The following KLRG1 variants were observed in gnomAD, a reference collection of about 807,000 sequenced individuals.
KLRG1 encodes the protein killer cell lectin like receptor G1, also known as killer cell lectin-like receptor subfamily G member 1.
In KLRG1, 16 loss-of-function variants were observed where a neutral mutation model predicts 21.8. The ratio of observed to expected loss-of-function variants is 0.73; its 90% CI spans 0.50 to 1.11. KLRG1 has a LOEUF of 1.11. KLRG1 is among the 50% of genes most tolerant of loss of function. KLRG1 has a pLI of 0.00. For missense variants in KLRG1, 173 were observed against 218.3 expected, an observed-to-expected ratio of 0.79 and a Z score of 1.31; for synonymous variants, 69 against 75.9, an observed-to-expected ratio of 0.91 and a Z score of 0.47.
chr12:9,019,918 T>C, the KLRG1 span, among the ~76,000 whole-genome samples: 42 of 152,208 alleles, frequency 2.8e-4, 1 homozygote, highest in East Asian at 6.8e-3. Context: ...CAGAAAACTT[T>C]CTTGTCTCTG....
chr12:9,180,754 T>A, the KLRG1 span, among the ~76,000 whole-genome samples: 4 of 152,180 alleles, frequency 2.6e-5, no homozygotes, highest in African/African-American at 9.7e-5. Context: ...GGACTTCATG[T>A]CCAAAACACC....
chr12:9,112,537 C>A, the KLRG1 span: 1 of 1,613,500 alleles, frequency 6.2e-7, no homozygotes, highest in Non-Finnish European at 8.5e-7. Flanking sequence ...ACTTTGGGAC[C>A]TGAAATACAG....
At chr12:8,991,334 C>T (rs1423468904) in intron 1 of KLRG1, among the ~76,000 whole-genome samples, 4 of 152,262 alleles carry the variant, frequency 2.6e-5, no homozygotes, top group Non-Finnish European at 5.9e-5. Context: ...TATTCTTAAA[C>T]TTGGCATCAA....
the KLRG1 span, among the ~76,000 whole-genome samples, chr12:9,143,729 G>A: frequency 6.6e-6 from 1 of 152,108 alleles, no homozygotes; most frequent in East Asian, 1.9e-4. Context: ...ATTTGCACTG[G>A]GGCCCGGCCA....
the KLRG1 span, chr12:9,058,555 A>AT: frequency 6.6e-6 from 1 of 152,234 alleles, no homozygotes; most frequent in Non-Finnish European, 1.5e-5. Flanking sequence ...AAATATTCAT[A>AT]TGCTCATTTT....
At chr12:9,196,204 T>C in the KLRG1 span, 2 of 576,800 alleles carry the variant, frequency 3.5e-6, no homozygotes, top group Non-Finnish European at 6.1e-6. Flanking sequence ...TATTTCTCCT[T>C]GGTTTCATGG....
chr12:8,961,570 G>A (rs746866339), intron 1 of KLRG1, among the ~76,000 whole-genome samples: 2 of 147,452 alleles, frequency 1.4e-5, no homozygotes, highest in Non-Finnish European at 3.0e-5. Context: ...CCACCACCAT[G>A]CTCAGCTAAT....
chr12:8,994,229 G>A (rs1461495933), intron 2 of KLRG1, among the ~76,000 whole-genome samples: 2 of 151,904 alleles, frequency 1.3e-5, no homozygotes, highest in Admixed American at 1.3e-4. Flanking sequence ...ATGCCCAGCT[G>A]ATTTTTTTGT....
the KLRG1 span, chr12:9,180,864 AC>A: frequency 9.5e-7 from 1 of 1,048,044 alleles, no homozygotes; most frequent in Non-Finnish European, 1.3e-6. Context: ...TGAACAGGCA[AC>A]CTACAAAATG....
chr12:9,068,021 G>T, the KLRG1 span: 1 of 981,708 alleles, frequency 1.0e-6, no homozygotes, highest in East Asian at 2.6e-5. Flanking sequence ...GTTTGACAGA[G>T]TCAGCGGCCC....
the KLRG1 span, chr12:9,072,891 G>T: frequency 6.2e-7 from 1 of 1,601,998 alleles, no homozygotes; most frequent in Non-Finnish European, 8.5e-7. Flanking sequence ...ACAGATGAGT[G>T]AGAGAACCCA....
At chr12:8,975,610 C>A (rs1177329965) in intron 1 of KLRG1, among the ~76,000 whole-genome samples, 3 of 151,960 alleles carry the variant, frequency 2.0e-5, no homozygotes, top group Non-Finnish European at 4.4e-5. Flanking sequence ...GTTGCCTAGG[C>A]TGGAGTGCAG....
the KLRG1 span, chr12:9,157,434 A>G: frequency 7.5e-7 from 1 of 1,334,430 alleles, no homozygotes; most frequent in East Asian, 2.3e-5. Flanking sequence ...ATTGACAGTC[A>G]GATGTTATTA....
chr12:9,194,470 T>G, the KLRG1 span, among the ~76,000 whole-genome samples: 87 of 148,908 alleles, frequency 5.8e-4, 1 homozygote, highest in South Asian at 1.5e-3. Flanking sequence ...GAGTTTTTTT[T>G]TTTTTTTTTT....
chr12:8,955,375 ATTTTTTTTTTTTTTTT>A (rs61263683), intron 1 of KLRG1, among the ~76,000 whole-genome samples: 715 of 71,286 alleles, frequency 0.01, 10 homozygotes, highest in Middle Eastern at 0.032. Flanking sequence ...TATTGCTCTG[ATTTTTTTTTTTTTTTT>A]TTTTTTTTTT....
the KLRG1 span, among the ~76,000 whole-genome samples, chr12:9,180,164 AG>A: frequency 6.6e-6 from 1 of 152,186 alleles, no homozygotes; most frequent in African/African-American, 2.4e-5. Flanking sequence ...TTTAAGTTTT[AG>A]GGTACATGTG....
chr12:9,113,721 A>C, the KLRG1 span, among the ~76,000 whole-genome samples: 4 of 152,332 alleles, frequency 2.6e-5, no homozygotes, highest in Non-Finnish European at 5.9e-5. Context: ...CTTTTCCCTC[A>C]CATGCCATGG....
At chr12:9,157,748 G>T in the KLRG1 span, 1 of 1,603,238 alleles carries the variant, frequency 6.2e-7, no homozygotes, top group South Asian at 1.1e-5. Context: ...GTAGGGAATG[G>T]GATTGAGCTG....
At chr12:9,089,557 G>A in the KLRG1 span, among the ~76,000 whole-genome samples, 370 of 152,044 alleles carry the variant, frequency 2.4e-3, 1 homozygote, top group African/African-American at 8.6e-3. Flanking sequence ...CCTGGCCAAC[G>A]TGGTGAAATC....
Sources: allele counts gnomAD v4.1 joint callset (sites outside exome capture counted in the v4.1 genomes callset), GRCh38; gene constraint gnomAD v4.1.1; transcripts MANE v1.5; gene names NCBI Gene and HGNC (gene_info 2026-07-23, HGNC 2026-07-21).